SPATA17: variants seen among roughly 807,000 people sequenced by gnomAD.
SPATA17 encodes the protein spermatogenesis-associated protein 17.
A neutral mutation model predicts 62.2 loss-of-function variants in SPATA17; 53 were observed. The ratio of observed to expected loss-of-function variants is 0.85; its 90% CI spans 0.68 to 1.07. The LOEUF (loss-of-function observed/expected upper bound fraction) is 1.07. SPATA17 is among the 50% of genes least tolerant of loss of function. The pLI is 0.00. For synonymous variants in SPATA17, 146 were observed against 146.8 expected (o/e 0.99, Z 0.04); for missense variants, 466 against 425.5 (o/e 1.10, Z -0.84).
At chr1:217,823,230 A>G (rs2102997914) in intron 9 of SPATA17, among the ~76,000 whole-genome samples, 1 of 152,100 alleles carries the variant, frequency 6.6e-6, no homozygotes, top group Non-Finnish European at 1.5e-5. Flanking sequence ...TATATGAATC[A>G]GGGTCCAAAC....
rs1675922555 is a variant in SPATA17 at position 217,862,770 on chromosome 1, C to T, written c.1006-4C>T. 3 of 1,597,156 alleles carry T rather than the reference C, an allele frequency of 1.9e-6. No homozygotes were observed. The highest frequency in any genetic ancestry group is 1.1e-5 in the South Asian group (1 of 88,144). ...GTGGTAATCTTTGAACTTTTTCCTC[C>T]TAGGATTTCCAGACTGTATTACCAT... On this transcript the variant is annotated splice_region_variant and splice_polypyrimidine_tract_variant and intron_variant, in intron 9 of 10. Transcript: ENST00000366933.
At chr1:217,829,315 A>G (rs1043804824) in intron 9 of SPATA17, among the ~76,000 whole-genome samples, 1 of 152,044 alleles carries the variant, frequency 6.6e-6, no homozygotes, top group African/African-American at 2.4e-5. Context: ...AGTCCATGCT[A>G]AGCCAGACAC....
chr1:217,744,748 G>T (rs1315556387), intron 6 of SPATA17, among the ~76,000 whole-genome samples: 1 of 152,078 alleles, frequency 6.6e-6, no homozygotes, highest in African/African-American at 2.4e-5. Flanking sequence ...CCCAAGTATT[G>T]TCATCAGACA....
At chr1:217,744,838 C>T (rs1029753489) in intron 6 of SPATA17, among the ~76,000 whole-genome samples, 2 of 152,110 alleles carry the variant, frequency 1.3e-5, no homozygotes, top group African/African-American at 2.4e-5. Flanking sequence ...CCTCTGCTTC[C>T]GTCTGCATTT....
intron 9 of SPATA17, among the ~76,000 whole-genome samples, chr1:217,803,339 A>G (rs1306441168): frequency 2.0e-5 from 3 of 152,194 alleles, no homozygotes; most frequent in South Asian, 2.1e-4. Flanking sequence ...TGCAAATGAC[A>G]TGATCTTAAA....
At chr1:217,716,415 A>G (rs1026591621) in intron 5 of SPATA17, among the ~76,000 whole-genome samples, 8 of 152,086 alleles carry the variant, frequency 5.3e-5, no homozygotes, top group African/African-American at 1.9e-4. Flanking sequence ...TCACATATCG[A>G]CTCTTCAGAA....
At chr1:217,810,514 T>TG (rs1381048790) in intron 9 of SPATA17, among the ~76,000 whole-genome samples, 5 of 151,474 alleles carry the variant, frequency 3.3e-5, no homozygotes, top group Non-Finnish European at 5.9e-5. Flanking sequence ...CTCAGCTACT[T>TG]GGGGGGCTGA....
rs1452431407 is a variant in SPATA17 at position 217,686,435 on chromosome 1, AT to A, written c.395+3077del. ...ATATGTACTTTAGTTGTTTTAGTCCATTTCTCATTATTTAATTTGCTTATTT... is the reference window on the plus strand; with the variant it reads ...ATATGTACTTTAGTTGTTTTAGTCCATTCTCATTATTTAATTTGCTTATTT... On this transcript the variant is annotated intron_variant, in intron 5 of 10. Transcript: ENST00000366933. Among the ~76,000 whole-genome samples the A allele has an allele frequency of 5.9e-5, 9 of 151,922 alleles. 1 individual carries two copies. The highest frequency in any genetic ancestry group is 4.6e-4 in the Admixed American group (7 of 15,256).
chr1:217,731,600 C>T (rs538119992), intron 5 of SPATA17, among the ~76,000 whole-genome samples: 2 of 152,136 alleles, frequency 1.3e-5, no homozygotes, highest in Non-Finnish European at 2.9e-5. Context: ...TAAATCTGAT[C>T]ACCATAATCT....
intron 8 of SPATA17, among the ~76,000 whole-genome samples, chr1:217,799,254 T>G (rs1249624349): frequency 6.6e-6 from 1 of 152,188 alleles, no homozygotes; most frequent in Non-Finnish European, 1.5e-5. Context: ...AAAGTAGAGT[T>G]AATTCACGAG....
At chr1:217,651,053 G>C in intron 2 of SPATA17, 44 bp from the exon 3 acceptor site, 1 of 1,429,228 alleles carries the variant, frequency 7.0e-7, no homozygotes, top group Non-Finnish European at 9.7e-7. Context: ...AACTGACCTT[G>C]TTTCAATGAA....
At chr1:217,724,768 A>G (rs190147667) in intron 5 of SPATA17, among the ~76,000 whole-genome samples, 1 of 152,188 alleles carries the variant, frequency 6.6e-6, no homozygotes, top group East Asian at 1.9e-4. Flanking sequence ...ATTAATTTGA[A>G]TATCTTTAGT....
At chr1:217,703,170 C>G (rs1052754119) in intron 5 of SPATA17, among the ~76,000 whole-genome samples, 1 of 89,860 alleles carries the variant, frequency 1.1e-5, no homozygotes, top group Admixed American at 1.0e-4. Flanking sequence ...CCATTGCGCT[C>G]GGCCTTTTTT....
rs370605124 is a variant in SPATA17 at position 217,718,841 on chromosome 1, CCAAA to C, written c.396-23113_396-23110del. 2.9e-3 allele frequency among the ~76,000 whole-genome samples: 443 copies of C among 152,012 alleles called. 3 individuals carry two copies. The highest frequency in any genetic ancestry group is 9.3e-3 in the African/African-American group (387 of 41,476). Reference sequence around the variant, plus strand: ...TTTGGATGAATGCAAGTACTGGCTGCCAAACAAACAAACAAACAAACAAAACAAA... The same window carrying C: ...TTTGGATGAATGCAAGTACTGGCTGCCAAACAAACAAACAAACAAAACAAA... On this transcript the variant is annotated intron_variant, in intron 5 of 10. Transcript: ENST00000366933.
intron 5 of SPATA17, among the ~76,000 whole-genome samples, chr1:217,702,148 T>A (rs985597004): frequency 2.0e-5 from 3 of 152,086 alleles, no homozygotes; most frequent in Admixed American, 6.5e-5. Context: ...TCTTGTCACA[T>A]GTTTAAGTGT....
intron 5 of SPATA17, among the ~76,000 whole-genome samples, chr1:217,711,799 C>G (rs1671871254): frequency 6.6e-6 from 1 of 152,260 alleles, no homozygotes; most frequent in South Asian, 2.1e-4. Flanking sequence ...GAGACTGGGA[C>G]TATAATACGT....
At chr1:217,721,168 G>A (rs1401249940) in intron 5 of SPATA17, among the ~76,000 whole-genome samples, 1 of 152,040 alleles carries the variant, frequency 6.6e-6, no homozygotes, top group African/African-American at 2.4e-5. Context: ...CACTGGCATG[G>A]GAGAGGGAAA....
intron 9 of SPATA17, among the ~76,000 whole-genome samples, chr1:217,834,128 GTGCCACAT>G (rs1187910613): frequency 6.6e-6 from 1 of 152,040 alleles, no homozygotes; most frequent in Non-Finnish European, 1.5e-5. Flanking sequence ...TAGAGATGTC[GTGCCACAT>G]TGCATTACTC....
intron 9 of SPATA17, among the ~76,000 whole-genome samples, chr1:217,828,275 A>G (rs75501811): frequency 0.013 from 2,018 of 152,102 alleles, 12 homozygotes; most frequent in Middle Eastern, 0.027. Context: ...ATAAATTGAA[A>G]CATATGTGGT....
Sources: allele counts gnomAD v4.1 joint callset (sites outside exome capture counted in the v4.1 genomes callset), GRCh38; gene constraint gnomAD v4.1.1; transcripts MANE v1.5; gene names NCBI Gene and HGNC (gene_info 2026-07-23, HGNC 2026-07-21).